Variants in ZNF804B observed in about 807,000 individuals in gnomAD.
The protein encoded by ZNF804B is zinc finger protein 804B.
ZNF804B carries 80 observed loss-of-function variants against 101.4 expected under a neutral mutation model. The observed-to-expected ratio is 0.79, with a 90% CI of 0.66 to 0.95. ZNF804B has a LOEUF of 0.95. Ranked by LOEUF, ZNF804B falls within the 40% of genes least tolerant of loss-of-function variation. The pLI is 0.00. For missense variants in ZNF804B, 1,673 were observed against 1,561.9 expected (o/e 1.07, Z -1.20); for synonymous variants, 622 against 558.8 (o/e 1.11, Z -1.59).
intron 1 of ZNF804B, among the ~76,000 whole-genome samples, chr7:89,215,576 T>C (rs992210272): frequency 2.5e-5 from 3 of 119,986 alleles, no homozygotes; most frequent in African/African-American, 6.4e-5. Flanking sequence ...GCTGCTGTCA[T>C]AAGGAAGAAA....
intron 1 of ZNF804B, among the ~76,000 whole-genome samples, chr7:88,945,992 G>C (rs942544723): frequency 2.0e-5 from 3 of 152,122 alleles, no homozygotes; most frequent in Non-Finnish European, 4.4e-5. Flanking sequence ...ATTTTGGGCT[G>C]AGATGACAGG....
chr7:89,145,659 T>A (rs1387175388), intron 1 of ZNF804B, among the ~76,000 whole-genome samples: 1 of 152,010 alleles, frequency 6.6e-6, no homozygotes, highest in African/African-American at 2.4e-5. Context: ...TTTAATACAT[T>A]CATTGACTAA....
intron 1 of ZNF804B, among the ~76,000 whole-genome samples, chr7:89,007,446 T>TTA (rs61374091): frequency 0.11 from 6,003 of 56,932 alleles, 351 homozygotes; most frequent in Non-Finnish European, 0.13. Flanking sequence ...ATCCATGATT[T>TTA]TATATATATA....
At position 89,208,079 on chromosome 7, in the gene ZNF804B, TGG is replaced by T. The variant is rs367544433; in HGVS notation, c.109-10074_109-10073del. ...ATGTGTGTTATATTTACTATTTTAT[TGG>T]GTTTTTTTTTTTTTTTTTGAGACAG... On this transcript the variant is annotated intron_variant, in intron 1 of 3. Transcript: ENST00000333190. Among the ~76,000 whole-genome samples, 765 of 134,718 alleles carry T rather than the reference TGG, an allele frequency of 5.7e-3. 13 individuals carry two copies. The highest frequency in any genetic ancestry group is 0.011 in the Non-Finnish European group (648 of 61,366). 88.4% of individuals were successfully genotyped at this position (134,718 alleles called of 152,430 possible).
rs201182511 is a variant in ZNF804B at position 89,334,306 on chromosome 7, C to A, written c.1324C>A (p.Pro442Thr). Residue 442 changes from proline to threonine, a missense_variant, in exon 4 of 4, where the codon CCT becomes ACT. Pro to Thr is a conservative substitution (Grantham distance 38, BLOSUM62 -1). Transcript: ENST00000333190. ...CCATAATGTGGCATCTAAACCACTA[C>A]CTTTTCTCCACGTTCAAAGCAAGGA... ...CTHNVASKPL[P>T]FLHVQSKDGH... is the part of the protein sequence containing the mutation. 4 of 1,613,848 alleles carry A rather than the reference C, an allele frequency of 2.5e-6. No homozygotes were observed. The Admixed American group carries it at 5.0e-5, about 20-fold the overall frequency.
chr7:88,794,941 A>G, intron 1 of ZNF804B: 1 of 1,562,270 alleles, frequency 6.4e-7, no homozygotes, highest in Non-Finnish European at 8.6e-7. Flanking sequence ...CGAAAAGGAC[A>G]TGAGGAGTCT....
intron 1 of ZNF804B, among the ~76,000 whole-genome samples, chr7:88,882,509 A>G (rs922962074): frequency 3.3e-5 from 5 of 152,176 alleles, no homozygotes; most frequent in African/African-American, 1.2e-4. Flanking sequence ...TGACCCAGCA[A>G]TCTCATTAGT....
At chr7:88,862,776 G>C (rs1791669029) in intron 1 of ZNF804B, among the ~76,000 whole-genome samples, 1 of 151,804 alleles carries the variant, frequency 6.6e-6, no homozygotes, top group Non-Finnish European at 1.5e-5. Flanking sequence ...TTGATTCATC[G>C]ATGTTTACGC....
At chr7:88,934,562 C>T (rs1792938433) in intron 1 of ZNF804B, among the ~76,000 whole-genome samples, 1 of 151,390 alleles carries the variant, frequency 6.6e-6, no homozygotes, top group South Asian at 2.1e-4. Flanking sequence ...AAAAATAATC[C>T]CATCAAACAG....
At chr7:89,051,361 C>A (rs748102618) in intron 1 of ZNF804B, among the ~76,000 whole-genome samples, 1 of 152,106 alleles carries the variant, frequency 6.6e-6, no homozygotes, top group Non-Finnish European at 1.5e-5. Context: ...GAAATTGATA[C>A]TATTACCAAG....
chr7:89,288,122 A>G (rs542145687), intron 2 of ZNF804B, among the ~76,000 whole-genome samples: 25 of 152,236 alleles, frequency 1.6e-4, no homozygotes, highest in African/African-American at 5.8e-4. Context: ...TTGAAAAAAG[A>G]AAAATATGAG....
At chr7:88,928,556 G>A (rs1253634208) in intron 1 of ZNF804B, among the ~76,000 whole-genome samples, 3 of 152,076 alleles carry the variant, frequency 2.0e-5, no homozygotes, top group African/African-American at 7.2e-5. Flanking sequence ...TCTATTTTTA[G>A]TCTGTGTTTT....
chr7:88,988,866 T>A (rs930067533), intron 1 of ZNF804B, among the ~76,000 whole-genome samples: 1 of 152,140 alleles, frequency 6.6e-6, no homozygotes, highest in Admixed American at 6.6e-5. Context: ...TATAACTTGC[T>A]GTCTATGTAA....
At chr7:89,229,681 T>A (rs530440490) in intron 2 of ZNF804B, among the ~76,000 whole-genome samples, 3 of 152,332 alleles carry the variant, frequency 2.0e-5, no homozygotes, top group African/African-American at 7.2e-5. Flanking sequence ...AGTAAGAACA[T>A]AGTTGAACTG....
At chr7:89,314,566 T>G (rs112405874) in intron 2 of ZNF804B, among the ~76,000 whole-genome samples, 1,744 of 152,282 alleles carry the variant, frequency 0.011, 34 homozygotes, top group African/African-American at 0.04. Context: ...TCATACATAC[T>G]GAGCATTTGC....
At chr7:89,048,104 C>T (rs1467438630) in intron 1 of ZNF804B, among the ~76,000 whole-genome samples, 2 of 151,970 alleles carry the variant, frequency 1.3e-5, no homozygotes, top group Admixed American at 1.3e-4. Flanking sequence ...CCTTCCCATC[C>T]TTTCCCCCTG....
intron 1 of ZNF804B, among the ~76,000 whole-genome samples, chr7:89,184,770 G>A (rs1788351126): frequency 1.3e-5 from 2 of 152,102 alleles, no homozygotes; most frequent in Admixed American, 6.6e-5. Flanking sequence ...CACAAGTTAT[G>A]TATGAACTTA....
At chr7:88,778,574 A>G (rs199753513) in intron 1 of ZNF804B, among the ~76,000 whole-genome samples, 36 of 152,212 alleles carry the variant, frequency 2.4e-4, no homozygotes, top group Non-Finnish European at 4.1e-4. Flanking sequence ...CTTCCAACAA[A>G]TATTCTTCCC....
At chr7:88,911,025 CAG>C (rs1281294721) in intron 1 of ZNF804B, among the ~76,000 whole-genome samples, 1 of 151,874 alleles carries the variant, frequency 6.6e-6, no homozygotes, top group Non-Finnish European at 1.5e-5. Flanking sequence ...GTCAAATAAT[CAG>C]AGAAAACTTA....
Sources: allele counts gnomAD v4.1 joint callset (sites outside exome capture counted in the v4.1 genomes callset), GRCh38; gene constraint gnomAD v4.1.1; transcripts MANE v1.5; gene names NCBI Gene and HGNC (gene_info 2026-07-23, HGNC 2026-07-21).